The following FAM186A variants were observed in gnomAD, a reference collection of about 807,000 sequenced individuals.
FAM186A encodes family with sequence similarity 186 member A.
Under a neutral mutation model 216.8 loss-of-function variants are expected in FAM186A, and 163 were observed. The ratio of observed to expected loss-of-function variants is 0.75; its 90% CI spans 0.66 to 0.86. The LOEUF is 0.86. Among genes scored for constraint, FAM186A ranks in the 40% least tolerant of loss-of-function variants. FAM186A has a pLI of 0.00. For synonymous variants in FAM186A, 805 were observed against 1,025.3 expected (o/e 0.79, Z 4.10); for missense variants, 2,184 against 2,746.2 (o/e 0.80, Z 4.58).
rs1386047886 is a variant in FAM186A at position 50,331,313 on chromosome 12, C to T, written c.6848+357G>A. ...GGAGTGCAATGGCACGATCTCGGCTCACCGCAACCTCTGCCACCCAGGTTC... is the reference window on the plus strand; with the variant it reads ...GGAGTGCAATGGCACGATCTCGGCTTACCGCAACCTCTGCCACCCAGGTTC... On this transcript the variant is annotated intron_variant, in intron 6 of 7. Coordinates refer to ENST00000327337, the MANE Select transcript of FAM186A (RefSeq NM_001145475.3). Among the ~76,000 whole-genome samples, 11 of 152,180 alleles carry T rather than the reference C, an allele frequency of 7.2e-5. No homozygotes were observed. The East Asian group carries it at 2.1e-3, about 29-fold the overall frequency.
intron 4 of FAM186A, among the ~76,000 whole-genome samples, chr12:50,335,857 G>A (rs1404515593): frequency 6.6e-6 from 1 of 152,084 alleles, no homozygotes; most frequent in Non-Finnish European, 1.5e-5. Context: ...CGGGCGCAGT[G>A]GCTCATGCCT....
chr12:50,351,568 A>C lies in FAM186A; in HGVS notation c.5264T>G (p.Val1755Gly). 1 of 1,549,780 alleles carries C rather than the reference A, an allele frequency of 6.5e-7. No homozygotes were observed. The highest frequency in any genetic ancestry group is 1.2e-5 in the South Asian group (1 of 83,826). Residue 1755 changes from valine to glycine, a missense_variant, in exon 4 of 8, where the codon GTC (valine) becomes GGC (glycine). Physicochemically the swap from Val to Gly is moderately radical, Grantham distance 109. Around this residue, in one of 7 missense-constraint regions of FAM186A, gnomAD observed 721 missense variants for 816.4 expected, o/e 0.88. Coordinates refer to ENST00000327337, the MANE Select transcript of FAM186A (RefSeq NM_001145475.3). ...TGATATCTGCAAAGGAGTAGAAGAGACCCCGAATATAGAGGACTTCTCAGC... is the reference window on the plus strand; with the variant it reads ...TGATATCTGCAAAGGAGTAGAAGAGCCCCCGAATATAGAGGACTTCTCAGC... ...PTAEKSSIFG[V>G]SSTPLQISRV...
intron 1 of FAM186A, among the ~76,000 whole-genome samples, chr12:50,384,096 C>T (rs770458793): frequency 2.3e-4 from 35 of 151,812 alleles, no homozygotes; most frequent in Non-Finnish European, 4.1e-4. Flanking sequence ...CCAACCTGGG[C>T]GACAAGTGAG....
chr12:50,363,497 T>C (rs1188688770), intron 1 of FAM186A, 133 bp from the exon 2 acceptor site: 2 of 803,714 alleles, frequency 2.5e-6, no homozygotes, highest in East Asian at 5.4e-5. Flanking sequence ...TAGCTTTTAT[T>C]GTGAGTCTCA....
Position 50,356,205 on chromosome 12 carries a change from T to TA in FAM186A, c.626dup (p.Arg211ThrfsTer15). On this transcript the variant is annotated frameshift_variant, in exon 4 of 8. Transcript: ENST00000327337. LOFTEE classifies it high-confidence loss of function. ...AAGCACGGGCTGTTGAAGGTCGTTT[T>TA]ATAACTCTTTCTTTCCAAGATTTCC... 1 of 1,550,918 alleles carries TA rather than the reference T, an allele frequency of 6.4e-7. No individual in the cohort carries two copies. Among genetic ancestry groups the TA allele is most frequent in the African/African-American group, 1.4e-5 (1 of 73,156 alleles).
chr12:50,377,440 T>C (rs1449453310), intron 1 of FAM186A, among the ~76,000 whole-genome samples: 1 of 151,210 alleles, frequency 6.6e-6, no homozygotes, highest in Non-Finnish European at 1.5e-5. Context: ...ATATAAAATT[T>C]AACACTATAA....
chr12:50,338,843 T>G (rs1246563516), intron 4 of FAM186A, among the ~76,000 whole-genome samples: 1 of 152,232 alleles, frequency 6.6e-6, no homozygotes, highest in Non-Finnish European at 1.5e-5. Flanking sequence ...AGTTTGTGTT[T>G]GTTGTAGATG....
rs926041137 is a variant in FAM186A, at chr12:50,363,198, A to C, written c.359T>G (p.Ile120Ser). The change falls in exon 2 of 8, where the codon ATT becomes AGT. Residue 120 changes from isoleucine (I) to serine (S), a missense_variant. Physicochemically the swap from Ile to Ser is moderately radical, Grantham distance 142. Around this residue, in one of 7 missense-constraint regions of FAM186A, gnomAD observed 1,132 missense variants for 1,263.4 expected, o/e 0.90. Transcript: ENST00000327337. The part of the protein sequence containing the change: ...LEKMATYAKT[I>S]EIREKTLANI... Reference sequence around the variant, plus strand: ...GGCAAGAGTCTTTTCTCTTATTTCAATAGTCTTAGCGTAAGTAGCCATTTT... The same window carrying C: ...GGCAAGAGTCTTTTCTCTTATTTCACTAGTCTTAGCGTAAGTAGCCATTTT... The C allele has an allele frequency of 9.0e-6, 14 of 1,551,278 alleles. No individual in the cohort carries two copies. The Admixed American group carries it at 1.8e-4, about 20-fold the overall frequency.
chr12:50,364,234 C>T (rs566273071), intron 1 of FAM186A, among the ~76,000 whole-genome samples: 1 of 152,182 alleles, frequency 6.6e-6, no homozygotes, highest in South Asian at 2.1e-4. Flanking sequence ...TATAATTATC[C>T]AAGTCTTAAA....
At chr12:50,367,641 C>A (rs1226323615) in intron 1 of FAM186A, among the ~76,000 whole-genome samples, 2 of 151,804 alleles carry the variant, frequency 1.3e-5, no homozygotes, top group Non-Finnish European at 2.9e-5. Flanking sequence ...GTAGAAAACT[C>A]TATATATGTA....
chr12:50,392,108 A>C (rs1943361984), intron 1 of FAM186A, among the ~76,000 whole-genome samples: 1 of 138,866 alleles, frequency 7.2e-6, no homozygotes, highest in Non-Finnish European at 1.5e-5. Flanking sequence ...ACTAATATAC[A>C]GTGACAGAAG....
chr12:50,361,866 C>A (rs765756090), intron 2 of FAM186A, among the ~76,000 whole-genome samples: 91 of 151,236 alleles, frequency 6.0e-4, no homozygotes, highest in Non-Finnish European at 8.0e-4. Flanking sequence ...CCACCGCGCC[C>A]GGCCATTATC....
Position 50,353,768 on chromosome 12 carries a change from G to T in FAM186A, c.3064C>A (p.Arg1022=), listed in dbSNP as rs754518495. The stretch of plus-strand genomic sequence containing the variant: ...TGAAACTCTTTTCCTTCATATGACC[G>T]CTGTACATCTTTCAATACACTCTTC... ...RWKSVLKDVQ[R]SYEGKEFQRN... The change falls in exon 4 of 8, where the codon CGG becomes AGG. Residue 1022 remains arginine, a synonymous_variant. Coordinates refer to ENST00000327337, the MANE Select transcript of FAM186A (RefSeq NM_001145475.3). The T allele has an allele frequency of 4.7e-5, 73 of 1,551,330 alleles. No individual in the cohort carries two copies. Among genetic ancestry groups the T allele is most frequent in the Admixed American group, 9.8e-5 (5 of 50,938 alleles).
chr12:50,333,785 G>A, intron 5 of FAM186A, 126 bp downstream of exon 5: 1 of 906,126 alleles, frequency 1.1e-6, no homozygotes, highest in South Asian at 1.9e-5. Flanking sequence ...TGAAGTTTGT[G>A]GTAATTTGTT....
Position 50,355,379 on chromosome 12 carries a change from C to T in FAM186A, c.1453G>A (p.Val485Ile), listed in dbSNP as rs185603421. 8.4e-5 allele frequency: 130 copies of T among 1,551,370 alleles called. No homozygotes were observed. In the East Asian group the frequency reaches 2.9e-3, roughly 35 times the overall value. Reference sequence around the variant, plus strand: ...TATTGACTAGGTTTGGCCTCTGAGACTTTCTGTCCACTTTTATTATCACTC... The same window carrying T: ...TATTGACTAGGTTTGGCCTCTGAGATTTTCTGTCCACTTTTATTATCACTC... ...NLSDNKSGQK[V>I]SEAKPSQYYE... The change falls in exon 4 of 8, where the codon GTC (valine) becomes ATC (isoleucine). Residue 485 changes from valine (V) to isoleucine (I), a missense_variant. This residue lies in a region of FAM186A where 1,132 missense variants were observed against 1,263.4 expected (regional missense o/e 0.90). Coordinates refer to ENST00000327337, the MANE Select transcript of FAM186A (RefSeq NM_001145475.3).
At chr12:50,377,633 G>C (rs1210012274) in intron 1 of FAM186A, among the ~76,000 whole-genome samples, 1 of 151,898 alleles carries the variant, frequency 6.6e-6, no homozygotes, top group East Asian at 1.9e-4. Context: ...AGGAGTTGGA[G>C]ACCAGCCTAG....
intron 4 of FAM186A, among the ~76,000 whole-genome samples, chr12:50,335,214 C>T (rs191950449): frequency 3.2e-4 from 49 of 152,226 alleles, no homozygotes; most frequent in African/African-American, 1.2e-3. Flanking sequence ...GTTATGATCA[C>T]GCCATTACAT....
At chr12:50,389,362 T>C (rs532740334) in intron 1 of FAM186A, among the ~76,000 whole-genome samples, 2 of 152,032 alleles carry the variant, frequency 1.3e-5, no homozygotes, top group African/African-American at 4.8e-5. Context: ...TAGCCGGGCA[T>C]GGTGGTGCAT....
intron 4 of FAM186A, among the ~76,000 whole-genome samples, chr12:50,342,831 AC>A (rs1227310817): frequency 6.6e-6 from 1 of 151,780 alleles, no homozygotes; most frequent in Non-Finnish European, 1.5e-5. Context: ...CAGTGGCACA[AC>A]ACGATCATAA....
Sources: gnomAD v4.1 joint callset for allele counts (sites outside exome capture counted in the v4.1 genomes callset) on GRCh38, gnomAD v4.1.1 for gene constraint, gnomAD v4.1.1 regional missense constraint, MANE v1.5 for transcripts, NCBI Gene and HGNC (gene_info 2026-07-23, HGNC 2026-07-21) for gene names.